The following ALDH3A1 variants were observed in gnomAD, a reference collection of about 807,000 sequenced individuals.
ALDH3A1 encodes the protein aldehyde dehydrogenase, dimeric NADP-preferring.
A neutral mutation model predicts 49.9 loss-of-function variants in ALDH3A1; 46 were observed. That is an observed-to-expected ratio of 0.92 (90% CI 0.73 to 1.18). The LOEUF is 1.18. Ranked by LOEUF, ALDH3A1 falls within the 50% of genes most tolerant of loss-of-function variation. ALDH3A1 has a pLI of 0.00. For missense variants in ALDH3A1, 592 were observed against 611.8 expected, an observed-to-expected ratio of 0.97 and a Z score of 0.34; for synonymous variants, 269 against 253.3, an observed-to-expected ratio of 1.06 and a Z score of -0.59.
In ALDH3A1 at chr17:19,739,489, C is replaced by A. The variant is rs1237216746; in HGVS notation, c.1116+19G>T. ...GGCCCCAGGACCCTGGCAGAGGGCA[C>A]CCCAGGCCCACCACCCACCTTGTCG... On this transcript the variant is annotated intron_variant, in intron 8 of 10. Transcript: ENST00000225740. 2.5e-6 allele frequency: 4 copies of A among 1,600,188 alleles called. No homozygotes were observed. The highest frequency in any genetic ancestry group is 1.8e-4 in the Middle Eastern group (1 of 5,608).
rs2086451471 is a variant in ALDH3A1, at chr17:19,739,554, T to C, written c.1070A>G (p.Gln357Arg). The C allele has an allele frequency of 6.2e-7, 1 of 1,613,228 alleles. No homozygotes were observed. The highest frequency in any genetic ancestry group is 8.5e-7 in the Non-Finnish European group (1 of 1,179,822). The change falls in exon 8 of 11, where the codon CAG becomes CGG. Residue 357 changes from glutamine to arginine, a missense_variant. By Grantham distance (43) the Gln-to-Arg change is conservative. Transcript: ENST00000225740. ...SLEEAIQFIN[Q>R]REKPLALYMF... is the part of the protein sequence containing the mutation. ...GTAGAGGGCCAGGGGCTTCTCACGC[T>C]GGTTGATGAACTGGATGGCCTCCTC...
At chr17:19,746,730 C>A (rs918859854) in intron 1 of ALDH3A1, among the ~76,000 whole-genome samples, 1 of 147,988 alleles carries the variant, frequency 6.8e-6, no homozygotes, top group South Asian at 2.1e-4. Flanking sequence ...TGTGTGCGCG[C>A]GTGTGCGTGT....
chr17:19,741,041 C>A, intron 6 of ALDH3A1, 52 bp downstream of exon 6: 1 of 1,407,912 alleles, frequency 7.1e-7, no homozygotes, highest in Admixed American at 1.7e-5. Flanking sequence ...GGCCAGGCCC[C>A]CCTTGTGCCT....
rs748330544 is a variant in ALDH3A1 at position 19,739,052 on chromosome 17, G to A, written c.1160C>T (p.Ala387Val). Residue 387 changes from alanine to valine, a missense_variant, in exon 9 of 11, where the codon GCG (alanine) becomes GTG (valine). Coordinates refer to ENST00000225740, the MANE Select transcript of ALDH3A1 (RefSeq NM_000691.5). ...GATGTGGACGATGACATCGTTGGCC[G>A]CCACCCCACCACTGGATGTCTCTGC... is the stretch of plus-strand genomic sequence containing the variant. ...MIAETSSGGV[A>V]ANDVIVHITL... 7.4e-6 allele frequency: 12 copies of A among 1,613,726 alleles called. No homozygotes were observed. The highest frequency in any genetic ancestry group is 1.0e-5 in the Non-Finnish European group (12 of 1,179,982).
intron 1 of ALDH3A1, among the ~76,000 whole-genome samples, chr17:19,746,654 C>T (rs558074686): frequency 7.5e-6 from 1 of 133,762 alleles, no homozygotes; most frequent in African/African-American, 3.2e-5. Flanking sequence ...CGTGTGTGTG[C>T]ATGTGTGTGT....
chr17:19,740,594 T>C (rs1237347185), intron 6 of ALDH3A1, 117 bp from the exon 7 acceptor site: 10 of 1,156,002 alleles, frequency 8.7e-6, no homozygotes, highest in African/African-American at 3.1e-5. Context: ...GGGTGGAGCT[T>C]TTTTCTTCTT....
At chr17:19,738,720 C>T (rs1460870680) in intron 9 of ALDH3A1, among the ~76,000 whole-genome samples, 3 of 152,218 alleles carry the variant, frequency 2.0e-5, no homozygotes, top group Non-Finnish European at 2.9e-5. Flanking sequence ...GGTCTAATCC[C>T]AGCTCTGCCA....
chr17:19,748,023 C>T lies in ALDH3A1; in HGVS notation c.-6+236G>A, dbSNP rs986818053. Reference sequence around the variant, plus strand: ...GGAGTCTGACGGCCCATCAGGGCCTCTCACTCCACGGCCACCTTGGTGTCC... The same window carrying T: ...GGAGTCTGACGGCCCATCAGGGCCTTTCACTCCACGGCCACCTTGGTGTCC... On this transcript the variant is annotated intron_variant, in intron 1 of 10. Transcript: ENST00000225740. This position sits in a 1 kb window ranked among gnomAD's most constrained non-coding sequence, Gnocchi z 4.4. 2 of 212,458 alleles carry T rather than the reference C, an allele frequency of 9.4e-6. No individual in the cohort carries two copies. Among genetic ancestry groups the T allele is most frequent in the Non-Finnish European group, 2.0e-5 (2 of 100,518 alleles). 13.2% of individuals were successfully genotyped at this position (212,458 alleles called of 1,614,324 possible). A position where few individuals can be genotyped will look rare whatever the true frequency, so the allele number is the denominator to read the frequency against.
chr17:19,744,497 C>T, intron 2 of ALDH3A1: 1 of 985,408 alleles, frequency 1.0e-6, no homozygotes, highest in Non-Finnish European at 1.2e-6. Context: ...CCCCAGGCAG[C>T]ATGTGGGGAC....
At chr17:19,744,701 C>T (rs1194113479) in intron 2 of ALDH3A1, 5 of 1,338,210 alleles carry the variant, frequency 3.7e-6, no homozygotes, top group African/African-American at 1.6e-5. Context: ...TTCAGGGTGT[C>T]GGGGCAGCAG....
At chr17:19,744,901 G>GGCCCCCCC in intron 2 of ALDH3A1, 67 bp downstream of exon 2, 26 of 434,622 alleles carry the variant, frequency 6.0e-5, no homozygotes, top group East Asian at 1.4e-4. Context: ...ACTCTCCCCA[G>GGCCCCCCC]CCCCTCCCCC....
chr17:19,740,440 T>C lies in ALDH3A1; in HGVS notation c.845A>G (p.Tyr282Cys), dbSNP rs143872646. The C allele has an allele frequency of 3.5e-4, 559 of 1,614,102 alleles. 1 individual carries two copies. The highest frequency in any genetic ancestry group is 2.4e-4 in the Non-Finnish European group (279 of 1,180,008). The stretch of plus-strand genomic sequence containing the variant: ...GTGCCGGGCACTAATGATTCTTCCA[T>C]AGTCCCGGGATTTCTTAGCATCTTC... Reference protein sequence around the residue: ...YGEDAKKSRDYGRIISARHFQ... With the variant: ...YGEDAKKSRDCGRIISARHFQ... The change falls in exon 7 of 11, where the codon TAT (tyrosine) becomes TGT (cysteine). Residue 282 changes from tyrosine (Y) to cysteine (C), a missense_variant. Transcript: ENST00000225740.
At chr17:19,746,644 C>CATGT (rs1555547102) in intron 1 of ALDH3A1, among the ~76,000 whole-genome samples, 1 of 143,926 alleles carries the variant, frequency 6.9e-6, no homozygotes, top group African/African-American at 2.7e-5. Flanking sequence ...TGTGCGTGTG[C>CATGT]GTGTGTGTGC....
In ALDH3A1 at chr17:19,742,999, G is replaced by A. The variant is rs760112160; in HGVS notation, c.394+233C>T. ...ACAGAAGCTCCAGCCCCCCAACAGG[G>A]GTGGGGGAAGGCAGGCCCTCTCTGT... On this transcript the variant is annotated intron_variant, in intron 3 of 10. Coordinates refer to ENST00000225740, the MANE Select transcript of ALDH3A1 (RefSeq NM_000691.5). The A allele has an allele frequency of 2.0e-5, 31 of 1,530,894 alleles. No individual in the cohort carries two copies. In the East Asian group the frequency reaches 7.2e-4, roughly 35 times the overall value. The allele number at this position is 1,530,894 out of a possible 1,614,324, so 94.8% of individuals were successfully genotyped here. A position where few individuals can be genotyped will look rare whatever the true frequency, so the allele number is the denominator to read the frequency against.
At chr17:19,741,416 AT>A (rs1162564568) in intron 5 of ALDH3A1, 13 of 517,040 alleles carry the variant, frequency 2.5e-5, no homozygotes, top group African/African-American at 1.9e-4. Context: ...CTGGTGGGGA[AT>A]TTCTAGAGGA....
Position 19,739,552 on chromosome 17 carries a change from G to T in ALDH3A1, c.1072C>A (p.Arg358Ser), listed in dbSNP as rs377384082. The change falls in exon 8 of 11, where the codon CGT (arginine) becomes AGT (serine). Residue 358 changes from arginine (R) to serine (S), a missense_variant. Transcript: ENST00000225740. ...LEEAIQFINQ[R>S]EKPLALYMFS... ...ATGTAGAGGGCCAGGGGCTTCTCACGCTGGTTGATGAACTGGATGGCCTCC... is the reference window on the plus strand; with the variant it reads ...ATGTAGAGGGCCAGGGGCTTCTCACTCTGGTTGATGAACTGGATGGCCTCC... 3 of 1,612,982 alleles carry T rather than the reference G, an allele frequency of 1.9e-6. No individual in the cohort carries two copies. Among genetic ancestry groups the T allele is most frequent in the African/African-American group, 1.3e-5 (1 of 74,920 alleles).
Position 19,741,949 on chromosome 17 carries a change from T to C in ALDH3A1, c.689+55A>G. ...ACCCACAGCATGAGGTGCAGTCATGTGTGCTTGGAAAGCAGAGTAAGGACT... is the reference window on the plus strand; with the variant it reads ...ACCCACAGCATGAGGTGCAGTCATGCGTGCTTGGAAAGCAGAGTAAGGACT... On this transcript the variant is annotated intron_variant, in intron 5 of 10. Coordinates refer to ENST00000225740, the MANE Select transcript of ALDH3A1 (RefSeq NM_000691.5). The C allele has an allele frequency of 2.6e-6, 4 of 1,547,716 alleles. No individual in the cohort carries two copies. The Middle Eastern group carries it at 6.8e-4, about 262-fold the overall frequency.
chr17:19,743,282 T>C lies in ALDH3A1; in HGVS notation c.344A>G (p.Asn115Ser), dbSNP rs1430964111. 6.8e-6 allele frequency: 11 copies of C among 1,613,904 alleles called. No homozygotes were observed. Among genetic ancestry groups the C allele is most frequent in the Non-Finnish European group, 9.3e-6 (11 of 1,179,992 alleles). ...CTGGATGGTGAGGTTGAAGGGGTAG[T>C]TCCAGGTGCCAATGACGAGGACCAC... is the stretch of plus-strand genomic sequence containing the variant. ...LGVVLVIGTW[N>S]YPFNLTIQPM... Residue 115 changes from asparagine to serine, a missense_variant, in exon 3 of 11, where the codon AAC becomes AGC. Physicochemically the swap from Asn to Ser is conservative, Grantham distance 46. Coordinates refer to ENST00000225740, the MANE Select transcript of ALDH3A1 (RefSeq NM_000691.5). This position sits in a 1 kb window ranked among gnomAD's most constrained non-coding sequence, Gnocchi z 4.4.
intron 3 of ALDH3A1, 74 bp from the exon 4 acceptor site, chr17:19,742,704 T>A (rs2086520240): frequency 6.2e-7 from 1 of 1,607,174 alleles, no homozygotes. Flanking sequence ...GGACCACACC[T>A]GAAGCCTCCC....
Sources: gnomAD v4.1 joint callset for allele counts (sites outside exome capture counted in the v4.1 genomes callset) on GRCh38, gnomAD v4.1.1 for gene constraint, Gnocchi (gnomAD v3.1) non-coding constraint, MANE v1.5 for transcripts, NCBI Gene and HGNC (gene_info 2026-07-23, HGNC 2026-07-21) for gene names.